DAB1: variants seen among roughly 807,000 people sequenced by gnomAD.
The protein encoded by DAB1 is disabled homolog 1.
A neutral mutation model predicts 64.6 loss-of-function variants in DAB1; 15 were observed. The observed-to-expected ratio is 0.23, with a 90% CI of 0.16 to 0.36. The LOEUF is 0.36. DAB1 is among the 10% of genes least tolerant of loss of function. The probability of loss-of-function intolerance (pLI) is 1.00; values close to 1 mark genes in which losing one functional copy is unlikely to be tolerated. For missense variants in DAB1, 596 were observed against 706.7 expected (o/e 0.84, Z 1.78); for synonymous variants, 235 against 251.9 (o/e 0.93, Z 0.64).
chr1:57,441,423 A>T (rs550856832), intron 7 of DAB1, among the ~76,000 whole-genome samples: 1 of 150,544 alleles, frequency 6.6e-6, no homozygotes, highest in East Asian at 2.0e-4. Flanking sequence ...TGACCTGAAC[A>T]TAGCTCATTG....
At chr1:57,173,599 T>A (rs906890755) in intron 2 of DAB1, among the ~76,000 whole-genome samples, 1 of 152,182 alleles carries the variant, frequency 6.6e-6, no homozygotes, top group Non-Finnish European at 1.5e-5. Context: ...TACTCAACCT[T>A]TACATTCTAC....
intron 6 of DAB1, among the ~76,000 whole-genome samples, chr1:57,763,853 C>A (rs944775995): frequency 6.6e-6 from 1 of 152,140 alleles, no homozygotes; most frequent in Non-Finnish European, 1.5e-5. Flanking sequence ...CATGTAACTT[C>A]TTTGTTGTTT....
At chr1:57,382,234 C>G (rs1681443118) in intron 1 of DAB1, among the ~76,000 whole-genome samples, 1 of 152,112 alleles carries the variant, frequency 6.6e-6, no homozygotes, top group Non-Finnish European at 1.5e-5. Context: ...AGGGAAGTGG[C>G]TGAGAATCAG....
chr1:58,124,899 G>A (rs1652970921), intron 5 of DAB1, among the ~76,000 whole-genome samples: 1 of 152,126 alleles, frequency 6.6e-6, no homozygotes, highest in Non-Finnish European at 1.5e-5. Context: ...GAAAGAGCAT[G>A]GTAACTGCTA....
intron 7 of DAB1, among the ~76,000 whole-genome samples, chr1:57,446,883 C>A (rs1686162185): frequency 6.6e-6 from 1 of 152,108 alleles, no homozygotes; most frequent in Non-Finnish European, 1.5e-5. Flanking sequence ...GTAAGCTTAT[C>A]CATTATATCC....
At chr1:57,836,131 A>T (rs1314713839) in intron 1 of DAB1, among the ~76,000 whole-genome samples, 1 of 152,238 alleles carries the variant, frequency 6.6e-6, no homozygotes, top group East Asian at 1.9e-4. Context: ...TTACCTTACC[A>T]CTACTGCACT....
intron 3 of DAB1, among the ~76,000 whole-genome samples, chr1:58,403,635 CAT>C (rs1176180877): frequency 6.6e-6 from 1 of 152,162 alleles, no homozygotes; most frequent in East Asian, 1.9e-4. Context: ...TCAATTTCCT[CAT>C]GTGTAAAATG....
chr1:57,049,665 C>A (rs1387600121), intron 9 of DAB1, among the ~76,000 whole-genome samples: 1 of 152,012 alleles, frequency 6.6e-6, no homozygotes, highest in East Asian at 1.9e-4. Context: ...TCTGCAATGC[C>A]TGCCCCTAGG....
intron 7 of DAB1, among the ~76,000 whole-genome samples, chr1:57,471,053 T>C (rs1038102505): frequency 1.3e-5 from 2 of 152,204 alleles, no homozygotes; most frequent in African/African-American, 4.8e-5. Context: ...CTCAAAATAA[T>C]TGATCTGCAG....
At chr1:57,093,822 T>A (rs1440575952) in intron 4 of DAB1, among the ~76,000 whole-genome samples, 2 of 151,746 alleles carry the variant, frequency 1.3e-5, no homozygotes, top group Non-Finnish European at 2.9e-5. Context: ...TGTTTAAGAG[T>A]CTTAGAGTTG....
chr1:58,061,954 A>G (rs189481930), intron 5 of DAB1, among the ~76,000 whole-genome samples: 1 of 152,246 alleles, frequency 6.6e-6, no homozygotes, highest in East Asian at 1.9e-4. Context: ...CTACCCTAAC[A>G]TGCCCCTAGT....
chr1:58,299,249 G>A (rs1460344570), intron 4 of DAB1, among the ~76,000 whole-genome samples: 1 of 152,210 alleles, frequency 6.6e-6, no homozygotes, highest in Admixed American at 6.5e-5. Flanking sequence ...CCTGCCTAGA[G>A]ATTGGAGAAG....
chr1:57,396,571 C>T (rs1418355397), intron 1 of DAB1, among the ~76,000 whole-genome samples: 1 of 152,174 alleles, frequency 6.6e-6, no homozygotes, highest in Admixed American at 6.5e-5. Flanking sequence ...AGATATCACA[C>T]TGATTAGAGA....
intron 6 of DAB1, among the ~76,000 whole-genome samples, chr1:57,768,175 TA>T (rs11413691): frequency 8.3e-5 from 8 of 96,794 alleles, no homozygotes; most frequent in Admixed American, 1.3e-4. Flanking sequence ...AGAATCTGTC[TA>T]AAAAAAAAAA....
At chr1:58,530,779 A>G (rs1646423178) in intron 1 of DAB1, 2 of 832,248 alleles carry the variant, frequency 2.4e-6, no homozygotes, top group Admixed American at 3.6e-5. Flanking sequence ...TTGAGACAGT[A>G]TATGCTTACA....
Position 57,086,674 on chromosome 1 carries a change from CACACACACACACAT to C in DAB1, c.307-14274_307-14261del, listed in dbSNP as rs1463658556. ...ACACACACACACACACACACACACACACACACACACACATGAAAAAAACCTGAATGGCGGGGGGA... is the reference window on the plus strand; with the variant it reads ...ACACACACACACACACACACACACACGAAAAAAACCTGAATGGCGGGGGGA... On this transcript the variant is annotated intron_variant, in intron 4 of 14. Coordinates refer to ENST00000371236, the MANE Select transcript of DAB1 (RefSeq NM_001365792.1). Among the ~76,000 whole-genome samples, 22 of 147,832 alleles carry C rather than the reference CACACACACACACAT, an allele frequency of 1.5e-4. No individual in the cohort carries two copies. The Admixed American group carries it at 1.5e-3, about 10-fold the overall frequency.
intron 11 of DAB1, among the ~76,000 whole-genome samples, chr1:57,021,602 C>T (rs909928149): frequency 6.6e-6 from 1 of 152,126 alleles, no homozygotes; most frequent in African/African-American, 2.4e-5. Flanking sequence ...TGAGGCCTAC[C>T]CAGCCATGTG....
chr1:57,119,331 C>A (rs1367764319), intron 4 of DAB1, among the ~76,000 whole-genome samples: 2 of 152,104 alleles, frequency 1.3e-5, no homozygotes, highest in African/African-American at 2.4e-5. Context: ...GGTTGGCTAT[C>A]ATTTTTTTAA....
rs139720305 is a variant in DAB1, at chr1:57,275,144, GA to G, written c.67+15819del. Among the ~76,000 whole-genome samples the G allele has an allele frequency of 8.1e-3, 1,234 of 152,160 alleles. 31 individuals carry two copies. Among genetic ancestry groups the G allele is most frequent in the East Asian group, 0.08 (410 of 5,146 alleles). On this transcript the variant is annotated intron_variant, in intron 2 of 14. Coordinates refer to ENST00000371236, the MANE Select transcript of DAB1 (RefSeq NM_001365792.1). ...GAAGATAAAGAGAAAAGGATAGAGA[GA>G]AAAAGAGAGAGAGAATATAAAACTA...
Sources: gnomAD v4.1 joint callset for allele counts (sites outside exome capture counted in the v4.1 genomes callset) on GRCh38, gnomAD v4.1.1 for gene constraint, MANE v1.5 for transcripts, NCBI Gene and HGNC (gene_info 2026-07-23, HGNC 2026-07-21) for gene names.